The following CALN1 variants were observed in gnomAD, a reference collection of about 807,000 sequenced individuals.
CALN1 encodes the protein calcium-binding protein 8.
A neutral mutation model predicts 30.6 loss-of-function variants in CALN1; 17 were observed. The ratio of observed to expected loss-of-function variants is 0.56; its 90% CI spans 0.38 to 0.83. The LOEUF is 0.83. Ranked by LOEUF, CALN1 falls within the 40% of genes least tolerant of loss-of-function variation. CALN1 has a pLI of 0.00. For synonymous variants in CALN1, 156 were observed against 131.4 expected (o/e 1.19, Z -1.28); for missense variants, 291 against 354.9 (o/e 0.82, Z 1.45).
chr7:72,121,364 GAT>G (rs1372169027), intron 3 of CALN1, among the ~76,000 whole-genome samples: 9 of 142,644 alleles, frequency 6.3e-5, no homozygotes, highest in Non-Finnish European at 1.1e-4. Flanking sequence ...TATGCAATAT[GAT>G]ATATAAATTA....
At chr7:72,097,992 G>C (rs565774694) in intron 4 of CALN1, among the ~76,000 whole-genome samples, 27 of 152,234 alleles carry the variant, frequency 1.8e-4, no homozygotes, top group Admixed American at 8.5e-4. Flanking sequence ...GGGATTACAG[G>C]CGTGAGCCAC....
At chr7:72,223,096 G>C (rs1280265168) in intron 3 of CALN1, among the ~76,000 whole-genome samples, 1 of 152,152 alleles carries the variant, frequency 6.6e-6, no homozygotes, top group Non-Finnish European at 1.5e-5. Flanking sequence ...TAAAGCAGTT[G>C]GCACTGGGAC....
chr7:72,487,470 G>A, the CALN1 span, among the ~76,000 whole-genome samples: 1 of 151,710 alleles, frequency 6.6e-6, no homozygotes, highest in Admixed American at 6.6e-5. Flanking sequence ...TGGATCACCT[G>A]AGGTCAGGAG....
At chr7:72,000,532 G>T (rs1281768334) in intron 5 of CALN1, among the ~76,000 whole-genome samples, 1 of 151,614 alleles carries the variant, frequency 6.6e-6, no homozygotes, top group Non-Finnish European at 1.5e-5. Context: ...TAATTTAAAA[G>T]ATTTTGAAAA....
chr7:72,345,077 T>C (rs1369796339), intron 2 of CALN1, among the ~76,000 whole-genome samples: 1 of 148,572 alleles, frequency 6.7e-6, no homozygotes, highest in Non-Finnish European at 1.5e-5. Context: ...ATGCATGTTA[T>C]GTATAATTAT....
intron 2 of CALN1, among the ~76,000 whole-genome samples, chr7:72,321,350 C>T (rs375916185): frequency 5.3e-5 from 8 of 152,178 alleles, no homozygotes; most frequent in African/African-American, 1.2e-4. Context: ...TTAGTCATCA[C>T]GCGTTGAGCA....
chr7:72,453,375 G>A, the CALN1 span, among the ~76,000 whole-genome samples: 1 of 152,198 alleles, frequency 6.6e-6, no homozygotes, highest in Non-Finnish European at 1.5e-5. Context: ...GCAAATTAAG[G>A]GGCAGGCTAT....
intron 6 of CALN1, among the ~76,000 whole-genome samples, chr7:71,806,681 G>C (rs1321089842): frequency 6.6e-6 from 1 of 152,048 alleles, no homozygotes; most frequent in Admixed American, 6.6e-5. Context: ...TTTAGGTTCT[G>C]CATATCAATG....
At chr7:71,866,258 C>T (rs1791581950) in intron 5 of CALN1, among the ~76,000 whole-genome samples, 1 of 152,150 alleles carries the variant, frequency 6.6e-6, no homozygotes, top group East Asian at 1.9e-4. Context: ...CCACCCGCCT[C>T]AGCCTCCCGA....
At chr7:72,113,960 G>T (rs1362376243) in intron 3 of CALN1, among the ~76,000 whole-genome samples, 3 of 152,082 alleles carry the variant, frequency 2.0e-5, no homozygotes, top group African/African-American at 7.2e-5. Flanking sequence ...GAGGAACTCA[G>T]AGCTAAGCCA....
chr7:72,011,771 A>G (rs1339201704), intron 5 of CALN1, among the ~76,000 whole-genome samples: 1 of 152,186 alleles, frequency 6.6e-6, no homozygotes, highest in East Asian at 1.9e-4. Flanking sequence ...CAGCCTCCCA[A>G]GTAGCTGGGA....
intron 3 of CALN1, among the ~76,000 whole-genome samples, chr7:72,238,913 CAG>C (rs1233478344): frequency 6.6e-6 from 1 of 152,182 alleles, no homozygotes; most frequent in African/African-American, 2.4e-5. Context: ...TGTGACAAGA[CAG>C]AGACCCAGAC....
At chr7:71,888,543 G>C (rs1793055213) in intron 5 of CALN1, among the ~76,000 whole-genome samples, 1 of 150,972 alleles carries the variant, frequency 6.6e-6, no homozygotes, top group Non-Finnish European at 1.5e-5. Context: ...TACAGCCAAA[G>C]GTCAATAAAG....
chr7:72,405,598 A>G (rs1269367095), intron 1 of CALN1, among the ~76,000 whole-genome samples: 1 of 151,950 alleles, frequency 6.6e-6, no homozygotes, highest in Non-Finnish European at 1.5e-5. Context: ...TCATCTATTC[A>G]CACACACTAC....
chr7:71,916,209 C>CT (rs34646041), intron 5 of CALN1, among the ~76,000 whole-genome samples: 48,753 of 151,702 alleles, frequency 0.32, 9,101 homozygotes, highest in East Asian at 0.53. Context: ...GAAAGAGGAT[C>CT]TGAGTATATA....
intron 5 of CALN1, among the ~76,000 whole-genome samples, chr7:71,919,859 G>T (rs1794850593): frequency 6.6e-6 from 1 of 152,162 alleles, no homozygotes; most frequent in Admixed American, 6.5e-5. Context: ...AACTAAAAGG[G>T]ATTTCTTGTG....
intron 1 of CALN1, among the ~76,000 whole-genome samples, chr7:72,437,601 C>A (rs1217483265): frequency 3.3e-5 from 5 of 151,636 alleles, no homozygotes; most frequent in African/African-American, 9.7e-5. Context: ...ACTATCTTTT[C>A]TCTCCTCTAT....
intron 2 of CALN1, among the ~76,000 whole-genome samples, chr7:72,395,195 G>C (rs1805839825): frequency 6.6e-6 from 1 of 152,196 alleles, no homozygotes; most frequent in Non-Finnish European, 1.5e-5. Context: ...AATGGCACTT[G>C]AATAAATAAG....
chr7:72,212,638 G>C (rs1487843037), intron 3 of CALN1, among the ~76,000 whole-genome samples: 1 of 151,942 alleles, frequency 6.6e-6, no homozygotes, highest in East Asian at 1.9e-4. Context: ...AGCAAAGCGA[G>C]ACTCCATCAC....
Sources: allele counts gnomAD v4.1 joint callset (sites outside exome capture counted in the v4.1 genomes callset), GRCh38; gene constraint gnomAD v4.1.1; transcripts MANE v1.5; gene names NCBI Gene and HGNC (gene_info 2026-07-23, HGNC 2026-07-21).